The following UGT1A8 variants were observed in gnomAD, a reference collection of about 807,000 sequenced individuals.
The protein encoded by UGT1A8 is UDP-glucuronosyltransferase 1A8.
In UGT1A8, 39 loss-of-function variants were observed where a neutral mutation model predicts 45.3. The observed-to-expected ratio is 0.86, with a 90% CI of 0.67 to 1.12. The LOEUF (loss-of-function observed/expected upper bound fraction) is 1.12. Ranked by LOEUF, UGT1A8 falls within the 50% of genes most tolerant of loss-of-function variation. The pLI is 0.00. For missense variants in UGT1A8, 719 were observed against 664.9 expected (o/e 1.08, Z -0.90); for synonymous variants, 275 against 249.2 (o/e 1.10, Z -0.97).
At chr2:233,717,671 C>T (rs192021569) in intron 1 of UGT1A8, 19 of 419,042 alleles carry the variant, frequency 4.5e-5, no homozygotes, top group African/African-American at 1.2e-4. Flanking sequence ...AGCAATCTTG[C>T]GAGCACATGT....
At chr2:233,703,078 G>C (rs937204099) in intron 1 of UGT1A8, among the ~76,000 whole-genome samples, 2 of 152,100 alleles carry the variant, frequency 1.3e-5, no homozygotes, top group African/African-American at 4.8e-5. Flanking sequence ...TCTGGGCCTA[G>C]GCTTTTCTTG....
At chr2:233,751,587 G>A (rs1303617779) in intron 1 of UGT1A8, among the ~76,000 whole-genome samples, 5 of 152,220 alleles carry the variant, frequency 3.3e-5, no homozygotes, top group African/African-American at 1.2e-4. Flanking sequence ...ATTCCCATGT[G>A]TTAAGGATGG....
chr2:233,718,719 G>A, intron 1 of UGT1A8: 6 of 1,609,316 alleles, frequency 3.7e-6, no homozygotes, highest in Non-Finnish European at 5.1e-6. Context: ...ATTACATGCT[G>A]ATTTGCTAGG....
chr2:233,638,189 T>C (rs2073352970), intron 1 of UGT1A8, among the ~76,000 whole-genome samples: 1 of 152,200 alleles, frequency 6.6e-6, no homozygotes, highest in African/African-American at 2.4e-5. Context: ...TCACTATTTA[T>C]TCAGATCTTG....
chr2:233,682,665 A>T, intron 1 of UGT1A8: 3 of 1,613,852 alleles, frequency 1.9e-6, no homozygotes, highest in Non-Finnish European at 2.5e-6. Context: ...ACGGCATATG[A>T]TCTCTACAGC....
intron 1 of UGT1A8, among the ~76,000 whole-genome samples, chr2:233,720,591 T>C (rs1428416416): frequency 6.6e-6 from 1 of 152,064 alleles, no homozygotes; most frequent in Non-Finnish European, 1.5e-5. Context: ...ATTTCAGAGG[T>C]GACTTTCATT....
intron 1 of UGT1A8, among the ~76,000 whole-genome samples, chr2:233,690,259 AC>A (rs1442048743): frequency 6.6e-6 from 1 of 152,194 alleles, no homozygotes; most frequent in Non-Finnish European, 1.5e-5. Flanking sequence ...TAAGTCTCAA[AC>A]ATTTTGCAGG....
chr2:233,686,409 G>A (rs2074787564), intron 1 of UGT1A8, among the ~76,000 whole-genome samples: 1 of 152,094 alleles, frequency 6.6e-6, no homozygotes, highest in South Asian at 2.1e-4. Context: ...TTATTAAGGT[G>A]TGCAGATAAA....
At chr2:233,744,493 T>G (rs1190368915) in intron 1 of UGT1A8, among the ~76,000 whole-genome samples, 2 of 152,058 alleles carry the variant, frequency 1.3e-5, no homozygotes, top group Admixed American at 1.3e-4. Context: ...GGCAATTTAG[T>G]AAGAATAAAC....
rs2077784718 is a variant in UGT1A8 at position 233,729,074 on chromosome 2, T to G, written c.856-37960T>G. 9 of 1,611,804 alleles carry G rather than the reference T, an allele frequency of 5.6e-6. No individual in the cohort carries two copies. The Admixed American group carries it at 8.3e-5, about 15-fold the overall frequency. ...AGGTAATTAAGATGAAGAAAGCAAATGTAGCAGGCACAGCGTGGGGTGGAC... is the reference window on the plus strand; with the variant it reads ...AGGTAATTAAGATGAAGAAAGCAAAGGTAGCAGGCACAGCGTGGGGTGGAC... On this transcript the variant is annotated intron_variant, in intron 1 of 4. Transcript: ENST00000373450.
At chr2:233,629,845 C>A (rs17864675) in intron 1 of UGT1A8, among the ~76,000 whole-genome samples, 6,413 of 152,190 alleles carry the variant, frequency 0.042, 161 homozygotes, top group Non-Finnish European at 0.061. Context: ...ATTCTTGTGA[C>A]AAGTCTGGCA....
intron 1 of UGT1A8, chr2:233,708,298 T>C (rs1286696664): frequency 6.6e-6 from 1 of 152,250 alleles, no homozygotes; most frequent in African/African-American, 2.4e-5. Context: ...CTTTCAGTTT[T>C]TGACAATCCA....
chr2:233,760,217 A>G, intron 1 of UGT1A8: 3 of 1,593,674 alleles, frequency 1.9e-6, no homozygotes, highest in Non-Finnish European at 2.6e-6. Context: ...AACTTGGTGT[A>G]TCGATTGGTT....
intron 1 of UGT1A8, among the ~76,000 whole-genome samples, chr2:233,690,114 T>C (rs1389791367): frequency 1.3e-5 from 2 of 152,240 alleles, no homozygotes; most frequent in Non-Finnish European, 2.9e-5. Flanking sequence ...ATGTCACATA[T>C]GTCTTTGTAA....
At chr2:233,746,289 G>C (rs1163006960) in intron 1 of UGT1A8, among the ~76,000 whole-genome samples, 3 of 151,692 alleles carry the variant, frequency 2.0e-5, no homozygotes, top group Admixed American at 2.0e-4. Context: ...AAGGAAGGTG[G>C]CTTTGTTTCC....
chr2:233,682,645 A>G, intron 1 of UGT1A8: 1 of 1,613,956 alleles, frequency 6.2e-7, no homozygotes, highest in Non-Finnish European at 8.5e-7. Flanking sequence ...AAATTCTCCA[A>G]ACCCCTGTCA....
chr2:233,713,194 A>T, intron 1 of UGT1A8: 1 of 1,614,210 alleles, frequency 6.2e-7, no homozygotes. Context: ...GTGAATATGT[A>T]CATCAAAGAA....
chr2:233,643,079 C>T (rs1251075042), intron 1 of UGT1A8, among the ~76,000 whole-genome samples: 2 of 152,214 alleles, frequency 1.3e-5, no homozygotes, highest in Non-Finnish European at 2.9e-5. Flanking sequence ...GCTCAACGCC[C>T]TTGGGCTTTA....
At chr2:233,659,850 A>G (rs2073931449) in intron 1 of UGT1A8, among the ~76,000 whole-genome samples, 1 of 152,170 alleles carries the variant, frequency 6.6e-6, no homozygotes, top group Non-Finnish European at 1.5e-5. Context: ...CTTCTGCGAG[A>G]TTGTCTAATG....
Sources: gnomAD v4.1 joint callset for allele counts (sites outside exome capture counted in the v4.1 genomes callset) on GRCh38, gnomAD v4.1.1 for gene constraint, MANE v1.5 for transcripts, NCBI Gene and HGNC (gene_info 2026-07-23, HGNC 2026-07-21) for gene names.